PDE11A: variants seen among roughly 807,000 people sequenced by gnomAD.
The protein encoded by PDE11A is dual 3',5'-cyclic-AMP and -GMP phosphodiesterase 11A.
Under a neutral mutation model 100.5 loss-of-function variants are expected in PDE11A, and 100 were observed. The ratio of observed to expected loss-of-function variants is 1.00; its 90% confidence interval spans 0.85 to 1.18. The LOEUF (loss-of-function observed/expected upper bound fraction) is 1.18. Among genes scored for constraint, PDE11A ranks in the 50% most tolerant of loss-of-function variants. The pLI is 0.00. For missense variants in PDE11A, 1,141 were observed against 1,152.6 expected (o/e 0.99, Z 0.15); for synonymous variants, 381 against 420.8 (o/e 0.91, Z 1.16).
At chr2:177,836,423 C>T (rs146821235) in intron 6 of PDE11A, among the ~76,000 whole-genome samples, 301 of 152,256 alleles carry the variant, frequency 2.0e-3, no homozygotes, top group Non-Finnish European at 2.9e-3. Flanking sequence ...TAATCTGATG[C>T]GGACTTGGAG....
intron 19 of PDE11A, among the ~76,000 whole-genome samples, chr2:177,659,589 C>G (rs2105472177): frequency 6.6e-6 from 1 of 152,258 alleles, no homozygotes; most frequent in South Asian, 2.1e-4. Context: ...TTTATAATGA[C>G]TCTGCACCAC....
At chr2:177,764,107 G>A (rs1005129946) in intron 10 of PDE11A, among the ~76,000 whole-genome samples, 3 of 152,154 alleles carry the variant, frequency 2.0e-5, no homozygotes, top group Non-Finnish European at 2.9e-5. Flanking sequence ...TGCTCAGTCT[G>A]CAAAGGAGGT....
chr2:178,076,661 T>C (rs574740290), upstream of PDE11A, among the ~76,000 whole-genome samples: 11 of 152,342 alleles, frequency 7.2e-5, no homozygotes, highest in South Asian at 2.3e-3. Flanking sequence ...CATTACTGAC[T>C]TTTATTGTGT....
intron 9 of PDE11A, among the ~76,000 whole-genome samples, chr2:177,798,781 C>A (rs2082742535): frequency 6.6e-6 from 1 of 152,016 alleles, no homozygotes; most frequent in African/African-American, 2.4e-5. Context: ...AGACAAATAT[C>A]CCATACAAAA....
intron 10 of PDE11A, among the ~76,000 whole-genome samples, chr2:177,738,873 G>A (rs995182964): frequency 7.2e-5 from 11 of 152,184 alleles, no homozygotes; most frequent in Middle Eastern, 3.2e-3. Flanking sequence ...TGGAAACATC[G>A]GCCTCTAGAG....
intron 1 of PDE11A, among the ~76,000 whole-genome samples, chr2:178,042,658 A>G (rs953907722): frequency 7.9e-5 from 12 of 152,204 alleles, no homozygotes; most frequent in Non-Finnish European, 1.8e-4. Context: ...AATCTATTTT[A>G]CATGATGGAG....
chr2:178,078,315 C>T (rs1393312458), intron 2 of PDE11A, among the ~76,000 whole-genome samples: 4 of 152,076 alleles, frequency 2.6e-5, no homozygotes, highest in African/African-American at 9.7e-5. Flanking sequence ...CATCTACCTG[C>T]TATAAACCAT....
intron 9 of PDE11A, among the ~76,000 whole-genome samples, chr2:177,793,352 T>A (rs1275123483): frequency 4.0e-5 from 6 of 151,420 alleles, no homozygotes; most frequent in Non-Finnish European, 8.8e-5. Flanking sequence ...TCCCTTGGGG[T>A]AGTATATAGT....
intron 14 of PDE11A, 50 bp downstream of exon 14, chr2:177,701,069 AAG>A (rs2081189059): frequency 1.0e-6 from 1 of 976,782 alleles, no homozygotes; most frequent in Non-Finnish European, 1.7e-6. Context: ...GGAGGAAACA[AAG>A]AGTTGTTTTG....
At chr2:178,102,638 C>CA (rs750815890) in intron 2 of PDE11A, among the ~76,000 whole-genome samples, 10 of 151,710 alleles carry the variant, frequency 6.6e-5, no homozygotes, top group Non-Finnish European at 1.5e-4. Flanking sequence ...TCTTACAGAT[C>CA]AAGTAATCCT....
At chr2:177,891,656 G>C (rs1055929700) in intron 4 of PDE11A, among the ~76,000 whole-genome samples, 1 of 152,100 alleles carries the variant, frequency 6.6e-6, no homozygotes, top group Non-Finnish European at 1.5e-5. Context: ...GTTATAAGAC[G>C]GCAAAGGATT....
At chr2:178,005,099 CTGAGT>C (rs2086189592) in intron 2 of PDE11A, among the ~76,000 whole-genome samples, 1 of 151,058 alleles carries the variant, frequency 6.6e-6, no homozygotes, top group Non-Finnish European at 1.5e-5. Flanking sequence ...AACTCAGTAA[CTGAGT>C]TGAGTCCCCT....
At chr2:178,051,689 C>CA (rs1259808181) in intron 1 of PDE11A, among the ~76,000 whole-genome samples, 2 of 151,018 alleles carry the variant, frequency 1.3e-5, no homozygotes, top group African/African-American at 2.4e-5. Flanking sequence ...AAAACAACGA[C>CA]AAAAAAAAGC....
intron 2 of PDE11A, among the ~76,000 whole-genome samples, chr2:177,940,703 G>C (rs527943280): frequency 2.0e-5 from 3 of 152,088 alleles, no homozygotes; most frequent in Non-Finnish European, 4.4e-5. Flanking sequence ...AGCTGTCATG[G>C]GATAAGGGCT....
At chr2:177,668,855 A>G (rs2080630224) in intron 18 of PDE11A, among the ~76,000 whole-genome samples, 1 of 152,158 alleles carries the variant, frequency 6.6e-6, no homozygotes, top group Non-Finnish European at 1.5e-5. Context: ...TTAGCTAATC[A>G]TTGGTTAGTA....
At chr2:177,679,440 T>C (rs988655605) in intron 16 of PDE11A, among the ~76,000 whole-genome samples, 3 of 152,184 alleles carry the variant, frequency 2.0e-5, no homozygotes, top group Non-Finnish European at 2.9e-5. Flanking sequence ...CATGTGTATG[T>C]AAATGCTTTG....
At chr2:178,018,467 C>A in intron 1 of PDE11A, 1 of 512,224 alleles carries the variant, frequency 2.0e-6, no homozygotes, top group South Asian at 1.4e-5. Context: ...AAGCTCTGAC[C>A]TTTTAGACTT....
intron 2 of PDE11A, among the ~76,000 whole-genome samples, chr2:177,962,458 A>G (rs2085646470): frequency 6.6e-6 from 1 of 152,116 alleles, no homozygotes; most frequent in African/African-American, 2.4e-5. Flanking sequence ...TCATGGATAT[A>G]AAATATATTA....
intron 19 of PDE11A, 70 bp downstream of exon 19, chr2:177,663,796 C>G: frequency 1.1e-6 from 1 of 902,654 alleles, no homozygotes; most frequent in East Asian, 2.4e-5. Flanking sequence ...CAAATGAGTG[C>G]TTTTGAGAAA....
Sources: allele counts gnomAD v4.1 joint callset (sites outside exome capture counted in the v4.1 genomes callset), GRCh38; gene constraint gnomAD v4.1.1; transcripts MANE v1.5; gene names NCBI Gene and HGNC (gene_info 2026-07-23, HGNC 2026-07-21).